The following NREP variants were observed in gnomAD, a reference collection of about 807,000 sequenced individuals.
The protein encoded by NREP is neuronal regeneration-related protein.
In NREP, 5 loss-of-function variants were observed where a neutral mutation model predicts 8.6. That is an observed-to-expected ratio of 0.58 (90% CI 0.30 to 1.22). NREP has a LOEUF of 1.22. Among genes scored for constraint, NREP ranks in the 50% most tolerant of loss-of-function variants. The probability of loss-of-function intolerance (pLI) is 0.07; values close to 1 mark genes in which losing one functional copy is unlikely to be tolerated. For missense variants in NREP, 86 were observed against 82.5 expected, an observed-to-expected ratio of 1.04 and a Z score of -0.17; for synonymous variants, 27 against 28.0, an observed-to-expected ratio of 0.96 and a Z score of 0.11.
At chr5:111,914,887 G>A (rs1288602161) in intron 2 of NREP, among the ~76,000 whole-genome samples, 1 of 152,116 alleles carries the variant, frequency 6.6e-6, no homozygotes, top group Non-Finnish European at 1.5e-5. Flanking sequence ...GCCCAAGAGT[G>A]CTTTCAGGAA....
intron 2 of NREP, among the ~76,000 whole-genome samples, chr5:111,743,560 AT>A (rs1413769610): frequency 1.3e-5 from 2 of 152,178 alleles, no homozygotes; most frequent in East Asian, 3.9e-4. Context: ...TATATTAAGA[AT>A]TTAAAAAGAA....
chr5:111,919,915 G>GAAAA lies in NREP; in HGVS notation c.135+55358_135+55359insTTTT, dbSNP rs1432649054. Among the ~76,000 whole-genome samples, 651 of 146,298 alleles carry GAAAA rather than the reference G, an allele frequency of 4.4e-3. 6 individuals carry two copies. The highest frequency in any genetic ancestry group is 7.2e-3 in the Non-Finnish European group (480 of 66,232). On this transcript the variant is annotated intron_variant, in intron 2 of 3. Coordinates refer to the NREP transcript ENST00000395634. ...AGAAAGAAAGAAAGAAAGAAAGAAA[G>GAAAA]AAAGATCTGAACTGTCCATTATGTA...
At chr5:111,886,583 C>A (rs545053237) in intron 2 of NREP, among the ~76,000 whole-genome samples, 1 of 151,048 alleles carries the variant, frequency 6.6e-6, no homozygotes, top group East Asian at 1.9e-4. Context: ...AAATGTCCAA[C>A]AATGATAGAC....
intron 3 of NREP, chr5:111,731,940 T>G (rs1010804044): frequency 6.6e-6 from 1 of 152,314 alleles, no homozygotes; most frequent in Non-Finnish European, 1.5e-5. Context: ...ATACAGGTAT[T>G]CATTTACAAC....
In NREP at chr5:111,786,828, G is replaced by A. The variant is rs530304240; in HGVS notation, c.136-51321C>T. 6.8e-4 allele frequency among the ~76,000 whole-genome samples: 104 copies of A among 152,272 alleles called. 1 individual carries two copies. Among genetic ancestry groups the A allele is most frequent in the Admixed American group, 1.1e-3 (17 of 15,282 alleles). On this transcript the variant is annotated intron_variant, in intron 2 of 3. Transcript: ENST00000395634. ...TGGGGTAGGAATTTTGTATATCGAA[G>A]TGGCAGCTGTTTTTCTGTACAACAA...
intron 2 of NREP, among the ~76,000 whole-genome samples, chr5:111,795,255 G>A (rs1429620382): frequency 1.3e-5 from 2 of 152,128 alleles, no homozygotes; most frequent in African/African-American, 2.4e-5. Flanking sequence ...AAATGTCAGC[G>A]GCTAGGGAGT....
At chr5:111,809,163 T>G (rs889089560) in intron 2 of NREP, among the ~76,000 whole-genome samples, 1 of 152,226 alleles carries the variant, frequency 6.6e-6, no homozygotes. Flanking sequence ...CTAGTCTCAC[T>G]TTTTGTCCTT....
intron 2 of NREP, among the ~76,000 whole-genome samples, chr5:111,807,702 T>G (rs529944206): frequency 6.6e-6 from 1 of 152,310 alleles, no homozygotes; most frequent in South Asian, 2.1e-4. Context: ...CAAACATTTG[T>G]AATATGCCTC....
chr5:111,942,642 T>A (rs7708619), intron 2 of NREP, among the ~76,000 whole-genome samples: 59,516 of 151,090 alleles, frequency 0.39, 14,200 homozygotes, highest in Non-Finnish European at 0.55. Flanking sequence ...GCACTAGTTT[T>A]AAAAAAAAAC....
At chr5:111,886,661 T>A (rs1245347960) in intron 2 of NREP, among the ~76,000 whole-genome samples, 1 of 151,168 alleles carries the variant, frequency 6.6e-6, no homozygotes, top group African/African-American at 2.4e-5. Flanking sequence ...GATGAGTTCA[T>A]GTCCTTTGTA....
chr5:111,791,860 C>A (rs1276557935), intron 2 of NREP, among the ~76,000 whole-genome samples: 2 of 152,176 alleles, frequency 1.3e-5, no homozygotes, highest in African/African-American at 4.8e-5. Flanking sequence ...TCTAATTGGG[C>A]TATGTTTCGA....
intron 2 of NREP, among the ~76,000 whole-genome samples, chr5:111,920,526 A>T (rs77321680): frequency 0.02 from 3,054 of 152,246 alleles, 48 homozygotes; most frequent in Non-Finnish European, 0.028. Context: ...GACACTCCAA[A>T]GATGAGGTTA....
intron 3 of NREP, chr5:111,734,662 G>A: frequency 3.0e-6 from 2 of 677,728 alleles, no homozygotes; most frequent in Admixed American, 2.1e-5. Context: ...AGCTGGGGGA[G>A]GACTCACCGT....
chr5:111,907,141 G>C (rs978985006), intron 2 of NREP, among the ~76,000 whole-genome samples: 1 of 151,914 alleles, frequency 6.6e-6, no homozygotes, highest in East Asian at 1.9e-4. Flanking sequence ...CCTGTGGCTT[G>C]TCTTTTCATT....
chr5:111,862,444 GC>G (rs1753564343), intron 2 of NREP, among the ~76,000 whole-genome samples: 1 of 152,060 alleles, frequency 6.6e-6, no homozygotes, highest in Non-Finnish European at 1.5e-5. Flanking sequence ...TGCAGGGGCA[GC>G]TTTAGTCCTA....
intron 2 of NREP, among the ~76,000 whole-genome samples, chr5:111,894,753 A>G (rs1754468847): frequency 6.6e-6 from 1 of 152,210 alleles, no homozygotes; most frequent in Non-Finnish European, 1.5e-5. Context: ...ACAACAGCCG[A>G]CAGCCCTATG....
intron 2 of NREP, among the ~76,000 whole-genome samples, chr5:111,936,648 C>T (rs1755690959): frequency 6.6e-6 from 1 of 152,054 alleles, no homozygotes; most frequent in South Asian, 2.1e-4. Context: ...GTATTCAACC[C>T]TGTACAAAGG....
intron 2 of NREP, among the ~76,000 whole-genome samples, chr5:111,865,834 C>A (rs188280893): frequency 1.3e-5 from 2 of 152,216 alleles, no homozygotes; most frequent in East Asian, 3.9e-4. Flanking sequence ...CATCCTTCCC[C>A]AGACTTACTT....
At chr5:111,881,142 C>T (rs895445333) in intron 2 of NREP, among the ~76,000 whole-genome samples, 7 of 152,226 alleles carry the variant, frequency 4.6e-5, no homozygotes, top group Admixed American at 1.3e-4. Flanking sequence ...GCTTTTCCGA[C>T]AGGCTTAAAA....
Sources: gnomAD v4.1 joint callset for allele counts (sites outside exome capture counted in the v4.1 genomes callset) on GRCh38, gnomAD v4.1.1 for gene constraint, MANE v1.5 for transcripts, NCBI Gene and HGNC (gene_info 2026-07-23, HGNC 2026-07-21) for gene names.